The following SPAG16 variants were observed in gnomAD, a reference collection of about 807,000 sequenced individuals.
SPAG16 encodes sperm-associated antigen 16 protein.
In SPAG16, 86 loss-of-function variants were observed where a neutral mutation model predicts 80.4. That is an observed-to-expected ratio of 1.07 (90% CI 0.90 to 1.28). SPAG16 has a LOEUF of 1.28. Among genes scored for constraint, SPAG16 ranks in the 50% most tolerant of loss-of-function variants. The probability of loss-of-function intolerance (pLI) is 0.00; values close to 1 mark genes in which losing one functional copy is unlikely to be tolerated. For synonymous variants in SPAG16, 294 were observed against 265.9 expected (o/e 1.11, Z -1.03); for missense variants, 870 against 765.3 (o/e 1.14, Z -1.61).
At chr2:213,851,479 G>A (rs2074904253) in intron 10 of SPAG16, among the ~76,000 whole-genome samples, 2 of 152,210 alleles carry the variant, frequency 1.3e-5, no homozygotes, top group Admixed American at 1.3e-4. Flanking sequence ...CTGCACTCCA[G>A]CCTGGGTGAC....
intron 10 of SPAG16, among the ~76,000 whole-genome samples, chr2:213,710,434 T>C (rs2065934520): frequency 6.6e-6 from 1 of 152,160 alleles, no homozygotes; most frequent in African/African-American, 2.4e-5. Context: ...GGAACAAGGG[T>C]ATAAGCATGT....
At chr2:213,289,392 A>G (rs1559374077) in intron 1 of SPAG16, among the ~76,000 whole-genome samples, 1 of 152,336 alleles carries the variant, frequency 6.6e-6, no homozygotes, top group South Asian at 2.1e-4. Flanking sequence ...TGCAACAGCT[A>G]TGTAGGACAG....
At chr2:213,396,071 C>T (rs1285603602) in intron 9 of SPAG16, among the ~76,000 whole-genome samples, 1 of 152,130 alleles carries the variant, frequency 6.6e-6, no homozygotes, top group African/African-American at 2.4e-5. Flanking sequence ...GTGGCAGTAG[C>T]ATACCTCTAG....
intron 6 of SPAG16, among the ~76,000 whole-genome samples, chr2:213,346,447 C>G (rs923307961): frequency 1.1e-4 from 16 of 152,306 alleles, no homozygotes; most frequent in Non-Finnish European, 2.2e-4. Flanking sequence ...GCAGGACATC[C>G]CTGTCTTGTG....
At chr2:213,332,565 A>G in intron 5 of SPAG16, among the ~76,000 whole-genome samples, 1 of 152,162 alleles carries the variant, frequency 6.6e-6, no homozygotes. Context: ...TACCCAAACC[A>G]AAGACACATC....
At chr2:214,349,972 T>C (rs1216086488) in intron 15 of SPAG16, among the ~76,000 whole-genome samples, 1 of 152,228 alleles carries the variant, frequency 6.6e-6, no homozygotes, top group Non-Finnish European at 1.5e-5. Flanking sequence ...GATATATGTG[T>C]AGTGCATATT....
At chr2:214,379,915 C>T (rs1003331017) in intron 15 of SPAG16, among the ~76,000 whole-genome samples, 1 of 152,176 alleles carries the variant, frequency 6.6e-6, no homozygotes, top group Non-Finnish European at 1.5e-5. Context: ...CACCCCAACT[C>T]GTGTATATAG....
intron 15 of SPAG16, among the ~76,000 whole-genome samples, chr2:214,162,071 T>A (rs1189289322): frequency 6.6e-6 from 1 of 152,080 alleles, no homozygotes; most frequent in African/African-American, 2.4e-5. Flanking sequence ...AGTCCATTTT[T>A]CCTGCAATAA....
At chr2:213,955,267 C>A (rs981612404) in intron 12 of SPAG16, among the ~76,000 whole-genome samples, 1 of 151,960 alleles carries the variant, frequency 6.6e-6, no homozygotes, top group African/African-American at 2.4e-5. Context: ...AGCATTTACT[C>A]TTATTTTTCT....
At chr2:214,179,516 A>C (rs2057241862) in intron 15 of SPAG16, among the ~76,000 whole-genome samples, 1 of 151,438 alleles carries the variant, frequency 6.6e-6, no homozygotes, top group Non-Finnish European at 1.5e-5. Context: ...CATGACGTCA[A>C]AAACACTTTT....
chr2:214,053,606 G>A (rs1360925723), intron 13 of SPAG16, among the ~76,000 whole-genome samples: 1 of 152,104 alleles, frequency 6.6e-6, no homozygotes, highest in Admixed American at 6.5e-5. Context: ...TAGAAAAATG[G>A]TTTGGTAGCA....
At chr2:213,850,913 C>T (rs148744960) in intron 10 of SPAG16, among the ~76,000 whole-genome samples, 133 of 151,776 alleles carry the variant, frequency 8.8e-4, no homozygotes, top group African/African-American at 3.1e-3. Context: ...CATAACATAC[C>T]AGTCTACTAA....
chr2:214,036,280 A>G (rs1313488433), intron 13 of SPAG16, among the ~76,000 whole-genome samples: 1 of 151,784 alleles, frequency 6.6e-6, no homozygotes, highest in East Asian at 1.9e-4. Flanking sequence ...TTCTTTGAGC[A>G]CTCTCCCAAC....
At chr2:213,348,062 G>A (rs575089238) in intron 6 of SPAG16, among the ~76,000 whole-genome samples, 1 of 152,238 alleles carries the variant, frequency 6.6e-6, no homozygotes, top group African/African-American at 2.4e-5. Context: ...TTAAGAATCT[G>A]GGTGCTCCTG....
At chr2:213,815,056 A>G (rs1463294118) in intron 10 of SPAG16, among the ~76,000 whole-genome samples, 1 of 152,086 alleles carries the variant, frequency 6.6e-6, no homozygotes, top group African/African-American at 2.4e-5. Context: ...CTATCAACCA[A>G]CTTAACCTAA....
intron 10 of SPAG16, among the ~76,000 whole-genome samples, chr2:213,778,251 T>G (rs2069723960): frequency 6.6e-6 from 1 of 152,074 alleles, no homozygotes; most frequent in African/African-American, 2.4e-5. Flanking sequence ...AATTCTTAGT[T>G]TAACATATAT....
intron 10 of SPAG16, among the ~76,000 whole-genome samples, chr2:213,803,332 C>T (rs2071536499): frequency 6.6e-6 from 1 of 152,072 alleles, no homozygotes; most frequent in Admixed American, 6.6e-5. Context: ...AATAATGAGG[C>T]ATCATAAATA....
intron 10 of SPAG16, among the ~76,000 whole-genome samples, chr2:213,515,149 G>C (rs1247704541): frequency 1.3e-5 from 2 of 150,840 alleles, no homozygotes; most frequent in Non-Finnish European, 2.9e-5. Flanking sequence ...CAAACTATTA[G>C]ATAAGTAGTA....
At chr2:213,470,164 G>A (rs1308730214) in intron 9 of SPAG16, among the ~76,000 whole-genome samples, 1 of 152,106 alleles carries the variant, frequency 6.6e-6, no homozygotes, top group African/African-American at 2.4e-5. Flanking sequence ...CCTCATCCAA[G>A]CGAAGTATTA....
Sources: allele counts gnomAD v4.1 joint callset (sites outside exome capture counted in the v4.1 genomes callset), GRCh38; gene constraint gnomAD v4.1.1; transcripts MANE v1.5; gene names NCBI Gene and HGNC (gene_info 2026-07-23, HGNC 2026-07-21).